TSHZ2: variants seen among roughly 807,000 people sequenced by gnomAD.
The protein encoded by TSHZ2 is teashirt zinc finger homeobox 2, also known as teashirt homolog 2.
A neutral mutation model predicts 74.4 loss-of-function variants in TSHZ2; 21 were observed. The ratio of observed to expected loss-of-function variants is 0.28; its 90% CI spans 0.20 to 0.41. The LOEUF is 0.41. Ranked by LOEUF, TSHZ2 falls within the 10% of genes least tolerant of loss-of-function variation. The probability of loss-of-function intolerance (pLI) is 1.00; values close to 1 mark genes in which losing one functional copy is unlikely to be tolerated. For synonymous variants in TSHZ2, 540 were observed against 515.3 expected (o/e 1.05, Z -0.65); for missense variants, 1,244 against 1,293.5 (o/e 0.96, Z 0.59).
chr20:53,430,538 G>A (rs758322893), intron 2 of TSHZ2, among the ~76,000 whole-genome samples: 5 of 151,300 alleles, frequency 3.3e-5, no homozygotes, highest in Non-Finnish European at 7.4e-5. Flanking sequence ...GTGAGAGAAA[G>A]AAGTTTATGG....
intron 2 of TSHZ2, among the ~76,000 whole-genome samples, chr20:53,375,065 C>T (rs966177380): frequency 6.6e-5 from 10 of 151,916 alleles, no homozygotes; most frequent in African/African-American, 2.4e-4. Context: ...TGTGTACATA[C>T]ACACACACAT....
intron 2 of TSHZ2, among the ~76,000 whole-genome samples, chr20:53,452,562 G>A (rs1017242099): frequency 8.1e-5 from 12 of 148,290 alleles, no homozygotes; most frequent in East Asian, 2.0e-4. Context: ...TTGAGCCACC[G>A]CACTCTAGCC....
chr20:53,244,245 A>G (rs1990146954), intron 1 of TSHZ2, among the ~76,000 whole-genome samples: 1 of 152,134 alleles, frequency 6.6e-6, no homozygotes, highest in African/African-American at 2.4e-5. Flanking sequence ...GGAAGGAACT[A>G]TATGTGTGTG....
chr20:53,256,507 C>T lies in TSHZ2; in HGVS notation c.3049C>T (p.His1017Tyr). 6.2e-7 allele frequency: 1 copy of T among 1,611,856 alleles called. No homozygotes were observed. Among genetic ancestry groups the T allele is most frequent in the Non-Finnish European group, 8.5e-7 (1 of 1,178,520 alleles). The change falls in exon 2 of 3, where the codon CAC becomes TAC. Residue 1017 changes from histidine (H) to tyrosine (Y), a missense_variant. Coordinates refer to ENST00000371497, the MANE Select transcript of TSHZ2 (RefSeq NM_173485.6). The surrounding 1 kb of genome is among the most constrained non-coding windows in gnomAD (Gnocchi z 4.3). The part of the protein sequence containing the change: ...HAVKLHLSKT[H>Y]SKSPEHHSQF... ...GGTAAAACTCCACCTAAGCAAAACG[C>T]ACAGCAAGTCACCCGAACACCATTC...
chr20:53,011,980 A>G (rs1016416842), intron 1 of TSHZ2, among the ~76,000 whole-genome samples: 1 of 152,198 alleles, frequency 6.6e-6, no homozygotes, highest in Non-Finnish European at 1.5e-5. Flanking sequence ...AAAGGGAAGC[A>G]CAGAGAATTG....
intron 2 of TSHZ2, among the ~76,000 whole-genome samples, chr20:53,450,296 A>C (rs1984723961): frequency 6.6e-6 from 1 of 151,580 alleles, no homozygotes; most frequent in Non-Finnish European, 1.5e-5. Context: ...CATTGCAAGA[A>C]TTATGTGATG....
chr20:53,292,157 C>T lies in TSHZ2; in HGVS notation c.*8+35586C>T, dbSNP rs572107550. ...TAATAATGACTAATTATTGAGGCTT[C>T]GGTCCATTCATCTAGGAGGAGAGCA... On this transcript the variant is annotated intron_variant, in intron 2 of 2. Transcript: ENST00000371497. 1.1e-4 allele frequency among the ~76,000 whole-genome samples: 16 copies of T among 152,180 alleles called. No individual in the cohort carries two copies. In the East Asian group the frequency reaches 2.5e-3, roughly 24 times the overall value.
At chr20:53,454,860 G>A (rs921277565) in intron 2 of TSHZ2, among the ~76,000 whole-genome samples, 1 of 152,090 alleles carries the variant, frequency 6.6e-6, no homozygotes, top group African/African-American at 2.4e-5. Flanking sequence ...ACAGTATCAA[G>A]GAACTGAAAC....
intron 2 of TSHZ2, among the ~76,000 whole-genome samples, chr20:53,305,387 G>A (rs961146166): frequency 6.6e-6 from 1 of 152,280 alleles, no homozygotes; most frequent in South Asian, 2.1e-4. Context: ...GTTTTGGATA[G>A]CCAAGTTTTT....
At chr20:53,045,331 C>G (rs1388323696) in intron 1 of TSHZ2, among the ~76,000 whole-genome samples, 3 of 152,222 alleles carry the variant, frequency 2.0e-5, no homozygotes, top group Non-Finnish European at 2.9e-5. Flanking sequence ...AGAAAATACA[C>G]ATGAGAATCC....
intron 1 of TSHZ2, among the ~76,000 whole-genome samples, chr20:52,992,948 G>A (rs1318932666): frequency 6.6e-6 from 1 of 152,170 alleles, no homozygotes; most frequent in Non-Finnish European, 1.5e-5. Context: ...GAAGAATAAT[G>A]TAAGCAGCTC....
chr20:53,213,164 C>T (rs771243606), intron 1 of TSHZ2, among the ~76,000 whole-genome samples: 2 of 151,980 alleles, frequency 1.3e-5, no homozygotes, highest in African/African-American at 2.4e-5. Flanking sequence ...ATCAAAACAC[C>T]GAAAAACTTT....
intron 1 of TSHZ2, among the ~76,000 whole-genome samples, chr20:53,113,248 A>G (rs1007045493): frequency 2.6e-5 from 4 of 152,222 alleles, no homozygotes; most frequent in African/African-American, 9.6e-5. Flanking sequence ...CGCAGTAAGA[A>G]TGATGCTGTT....
intron 2 of TSHZ2, among the ~76,000 whole-genome samples, chr20:53,361,921 TGTTTTTTTTTTTTCTGGAGACAGA>T (rs1173864000): frequency 3.4e-5 from 1 of 29,838 alleles, no homozygotes; most frequent in Non-Finnish European, 7.0e-5. Flanking sequence ...TGTTGTTTTG[TGTTTTTTTTTTTTCTGGAGACAGA>T]GTCTCACTCT....
rs76146300 is a variant in TSHZ2 at position 53,154,277 on chromosome 20, G to T, written c.41-99222G>T. Among the ~76,000 whole-genome samples, 148 of 151,940 alleles carry T rather than the reference G, an allele frequency of 9.7e-4. 1 individual carries two copies. Among genetic ancestry groups the T allele is most frequent in the African/African-American group, 3.2e-3 (131 of 41,458 alleles). On this transcript the variant is annotated intron_variant, in intron 1 of 2. Transcript: ENST00000371497. ...TTTAGTTTTGTTAGGAAAGGGGAAT[G>T]ACCTAAGTGACCAAAAAAAATTTTT...
chr20:52,999,063 A>G (rs1053807838), intron 1 of TSHZ2, among the ~76,000 whole-genome samples: 3 of 152,224 alleles, frequency 2.0e-5, no homozygotes, highest in Non-Finnish European at 2.9e-5. Context: ...TCAGACTAGC[A>G]AAATGATGGC....
intron 2 of TSHZ2, among the ~76,000 whole-genome samples, chr20:53,345,916 G>A (rs1449465145): frequency 2.6e-5 from 4 of 152,110 alleles, no homozygotes; most frequent in Admixed American, 6.5e-5. Context: ...GGGCCATGGC[G>A]CTGGCAAGAG....
chr20:53,064,287 C>T (rs529996387), intron 1 of TSHZ2, among the ~76,000 whole-genome samples: 3 of 152,242 alleles, frequency 2.0e-5, no homozygotes, highest in South Asian at 2.1e-4. Flanking sequence ...ACACACCTGC[C>T]GCCAGAACCC....
intron 1 of TSHZ2, among the ~76,000 whole-genome samples, chr20:53,075,248 T>C (rs1174696744): frequency 1.3e-5 from 2 of 152,252 alleles, no homozygotes; most frequent in Non-Finnish European, 2.9e-5. Context: ...CTCAGACTTT[T>C]TCATTATTGC....
Sources: allele counts gnomAD v4.1 joint callset (sites outside exome capture counted in the v4.1 genomes callset), GRCh38; gene constraint gnomAD v4.1.1; non-coding constraint Gnocchi (gnomAD v3.1); transcripts MANE v1.5; gene names NCBI Gene and HGNC (gene_info 2026-07-23, HGNC 2026-07-21).